Variants in PLEK observed in about 807,000 individuals in gnomAD.
The protein encoded by PLEK is pleckstrin.
A neutral mutation model predicts 43.9 loss-of-function variants in PLEK; 25 were observed. That is an observed-to-expected ratio of 0.57 (90% CI 0.41 to 0.79). The LOEUF (loss-of-function observed/expected upper bound fraction) is 0.79, where lower values mean the gene tolerates loss of function less well. Ranked by LOEUF, PLEK falls within the 30% of genes least tolerant of loss-of-function variation. The pLI is 0.00. For synonymous variants in PLEK, 152 were observed against 144.4 expected (o/e 1.05, Z -0.38); for missense variants, 396 against 413.3 (o/e 0.96, Z 0.36).
intron 1 of PLEK, among the ~76,000 whole-genome samples, chr2:68,378,353 T>C (rs1673546076): frequency 6.6e-6 from 1 of 152,216 alleles, no homozygotes; most frequent in African/African-American, 2.4e-5. Flanking sequence ...TCAAGCATCA[T>C]TGGATGACAT....
At position 68,393,217 on chromosome 2, in the gene PLEK, C is replaced by T. The variant is rs1673894698; in HGVS notation, c.818C>T (p.Ala273Val). 1 of 1,611,282 alleles carries T rather than the reference C, an allele frequency of 6.2e-7. No individual in the cohort carries two copies. The highest frequency in any genetic ancestry group is 1.3e-5 in the African/African-American group (1 of 74,974). Residue 273 changes from alanine to valine, a missense_variant, in exon 7 of 9, where the codon GCC (alanine) becomes GTC (valine). Physicochemically the swap from Ala to Val is moderately conservative, Grantham distance 64. Transcript: ENST00000234313. ...VRKFILREDP[A>V]YLHYYDPAGA... ...AAGTTCATCTTGAGAGAAGACCCTG[C>T]CTACCTGCACTACTATGACCCTGCT...
chr2:68,368,257 C>A, intron 1 of PLEK, among the ~76,000 whole-genome samples: 1 of 152,250 alleles, frequency 6.6e-6, no homozygotes, highest in Admixed American at 6.5e-5. Flanking sequence ...TTTCACCTTA[C>A]TTTTTTGTTT....
Position 68,388,458 on chromosome 2 carries a change from G to C in PLEK, c.729G>C (p.Gly243=). The change falls in exon 6 of 9, where the codon GGG becomes GGC. Residue 243 remains glycine, a synonymous_variant. Coordinates refer to ENST00000234313, the MANE Select transcript of PLEK (RefSeq NM_002664.3). ...TGATTCTGAAAGAAGAATTCAGAGG[G>C]GTCATTATCAAGCAGGGATGTTTAC... is the stretch of plus-strand genomic sequence containing the variant. The part of the protein sequence containing the change: ...DDVILKEEFR[G]VIIKQGCLLK... The C allele has an allele frequency of 6.2e-7, 1 of 1,606,642 alleles. No individual in the cohort carries two copies.
At chr2:68,381,002 G>C (rs1673603079) in intron 3 of PLEK, 98 bp downstream of exon 3, 1 of 1,010,988 alleles carries the variant, frequency 9.9e-7, no homozygotes, top group East Asian at 2.4e-5. Context: ...CTCTGATGTT[G>C]TATCCACTCT....
At chr2:68,385,391 G>C (rs945662959) in intron 4 of PLEK, among the ~76,000 whole-genome samples, 2 of 152,116 alleles carry the variant, frequency 1.3e-5, no homozygotes, top group African/African-American at 2.4e-5. Context: ...ACTTCTCAAG[G>C]TCCCTGCTAG....
intron 6 of PLEK, among the ~76,000 whole-genome samples, chr2:68,389,040 G>A (rs572022390): frequency 6.6e-6 from 1 of 152,386 alleles, no homozygotes; most frequent in South Asian, 2.1e-4. Context: ...CATGGACAGA[G>A]TCCTGGGGGG....
At position 68,394,188 on chromosome 2, in the gene PLEK, T is replaced by G. The variant is rs374851488; in HGVS notation, c.916+12T>G. 6.4e-7 allele frequency: 1 copy of G among 1,563,072 alleles called. No individual in the cohort carries two copies. Among genetic ancestry groups the G allele is most frequent in the Admixed American group, 1.7e-5 (1 of 59,940 alleles). ...GAGCAACTCAAATGGTAAGATGAATTTCTGTGTGAGAGAGGTGGGTCTGCT... is the reference window on the plus strand; with the variant it reads ...GAGCAACTCAAATGGTAAGATGAATGTCTGTGTGAGAGAGGTGGGTCTGCT... On this transcript the variant is annotated intron_variant, in intron 8 of 8. Transcript: ENST00000234313.
At chr2:68,385,258 G>C (rs1380902192) in intron 4 of PLEK, among the ~76,000 whole-genome samples, 1 of 151,994 alleles carries the variant, frequency 6.6e-6, no homozygotes, top group Non-Finnish European at 1.5e-5. Context: ...TTTTTTTGTT[G>C]TAAGAACAAA....
intron 2 of PLEK, 78 bp from the exon 3 acceptor site, chr2:68,380,645 G>A: frequency 6.7e-7 from 1 of 1,490,722 alleles, no homozygotes; most frequent in African/African-American, 1.4e-5. Context: ...AGAGGTTTAG[G>A]CCAATGGCCT....
intron 4 of PLEK, among the ~76,000 whole-genome samples, chr2:68,384,662 T>C (rs1673700557): frequency 6.6e-6 from 1 of 152,092 alleles, no homozygotes; most frequent in African/African-American, 2.4e-5. Context: ...TACTGACACA[T>C]GATGGAAGAC....
At chr2:68,379,945 A>G (rs1673578097) in intron 1 of PLEK, among the ~76,000 whole-genome samples, 2 of 152,212 alleles carry the variant, frequency 1.3e-5, no homozygotes, top group South Asian at 2.1e-4. Context: ...TCCAGGTTGT[A>G]TGGCACAATC....
intron 2 of PLEK, 73 bp downstream of exon 2, chr2:68,380,556 T>C: frequency 1.3e-6 from 2 of 1,502,008 alleles, no homozygotes; most frequent in African/African-American, 1.4e-5. Flanking sequence ...TTGCCTACAA[T>C]GTGGGTGGTG....
At chr2:68,393,501 A>T (rs1030987005) in intron 7 of PLEK, among the ~76,000 whole-genome samples, 5 of 152,140 alleles carry the variant, frequency 3.3e-5, no homozygotes, top group African/African-American at 1.2e-4. Context: ...GGTCAACTCA[A>T]CATATTTTTC....
intron 6 of PLEK, among the ~76,000 whole-genome samples, chr2:68,390,985 T>C (rs994237041): frequency 6.6e-6 from 1 of 152,228 alleles, no homozygotes; most frequent in Non-Finnish European, 1.5e-5. Flanking sequence ...AGGAACAATG[T>C]GTTATATATG....
At position 68,380,185 on chromosome 2, in the gene PLEK, G is replaced by A. The variant is rs796202940; in HGVS notation, c.43-143G>A. On this transcript the variant is annotated intron_variant, in intron 1 of 8. Coordinates refer to ENST00000234313, the MANE Select transcript of PLEK (RefSeq NM_002664.3). ...TCCCCAAGTAGCCACTGATTTGAGA[G>A]GATTTGTGTTGAAGGAACAGAGATG... is the stretch of plus-strand genomic sequence containing the variant. 64 of 640,184 alleles carry A rather than the reference G, an allele frequency of 1.0e-4. 1 individual carries two copies. The African/African-American group carries it at 1.1e-3, about 11-fold the overall frequency. 39.7% of individuals were successfully genotyped at this position (640,184 alleles called of 1,614,324 possible). A position where few individuals can be genotyped will look rare whatever the true frequency, so the allele number is the denominator to read the frequency against.
chr2:68,386,821 A>C, intron 5 of PLEK, 135 bp downstream of exon 5: 1 of 645,234 alleles, frequency 1.5e-6, no homozygotes, highest in South Asian at 2.1e-5. Flanking sequence ...AGAACAAGGG[A>C]ATACCTGAAG....
rs1673749636 is a variant in PLEK at position 68,386,637 on chromosome 2, G to A, written c.608G>A (p.Gly203Glu). 2 of 1,613,718 alleles carry A rather than the reference G, an allele frequency of 1.2e-6. No individual in the cohort carries two copies. The highest frequency in any genetic ancestry group is 2.2e-5 in the South Asian group (2 of 91,072). Reference sequence around the variant, plus strand: ...GACATGTCCAAGAGTGCAGTGGATGGAACTGCTGAAAACCCTTTCCTGGAC... The same window carrying A: ...GACATGTCCAAGAGTGCAGTGGATGAAACTGCTGAAAACCCTTTCCTGGAC... ...AGDMSKSAVD[G>E]TAENPFLDNP... The change falls in exon 5 of 9, where the codon GGA becomes GAA. Residue 203 changes from glycine (G) to glutamate (E), a missense_variant. Coordinates refer to ENST00000234313, the MANE Select transcript of PLEK (RefSeq NM_002664.3).
chr2:68,393,357 G>A lies in PLEK; in HGVS notation c.846+112G>A, dbSNP rs886523765. The A allele has an allele frequency of 3.3e-5, 24 of 736,478 alleles. No homozygotes were observed. The East Asian group carries it at 6.1e-4, about 19-fold the overall frequency. 45.6% of individuals were successfully genotyped at this position (736,478 alleles called of 1,614,324 possible). A position where few individuals can be genotyped will look rare whatever the true frequency, so the allele number is the denominator to read the frequency against. On this transcript the variant is annotated intron_variant, in intron 7 of 8. Coordinates refer to ENST00000234313, the MANE Select transcript of PLEK (RefSeq NM_002664.3). The stretch of plus-strand genomic sequence containing the variant: ...TTGATATCCCCTTTTTCTCTTTACT[G>A]GCCCACTTTTTTTTCTCCCATTCTC...
chr2:68,365,318 G>A lies in PLEK; in HGVS notation c.-34G>A. 6.2e-7 allele frequency: 1 copy of A among 1,608,440 alleles called. No homozygotes were observed. Among genetic ancestry groups the A allele is most frequent in the South Asian group, 1.1e-5 (1 of 90,944 alleles). Reference sequence around the variant, plus strand: ...GCCCAGCTGCTGAGAGGAGTTGCCTGAGAGTGACCTTTGCATCTGCCTGTC... The same window carrying A: ...GCCCAGCTGCTGAGAGGAGTTGCCTAAGAGTGACCTTTGCATCTGCCTGTC... On this transcript the variant is annotated 5_prime_UTR_variant, in exon 1 of 9. Coordinates refer to ENST00000234313, the MANE Select transcript of PLEK (RefSeq NM_002664.3).
Sources: gnomAD v4.1 joint callset for allele counts (sites outside exome capture counted in the v4.1 genomes callset) on GRCh38, gnomAD v4.1.1 for gene constraint, MANE v1.5 for transcripts, NCBI Gene and HGNC (gene_info 2026-07-23, HGNC 2026-07-21) for gene names.